Variants in SDK1 observed in about 807,000 individuals in gnomAD.
SDK1 encodes protein sidekick-1.
SDK1 carries 157 observed loss-of-function variants against 245.5 expected under a neutral mutation model. The ratio of observed to expected loss-of-function variants is 0.64; its 90% CI spans 0.56 to 0.73. SDK1 has a LOEUF of 0.73. Among genes scored for constraint, SDK1 ranks in the 30% least tolerant of loss-of-function variants. The pLI is 0.00. For missense variants in SDK1, 3,583 were observed against 3,002.3 expected (o/e 1.19, Z -4.52); for synonymous variants, 1,647 against 1,278.5 (o/e 1.29, Z -6.15).
intron 22 of SDK1, among the ~76,000 whole-genome samples, chr7:4,105,808 G>A (rs1782864796): frequency 6.6e-6 from 1 of 152,202 alleles, no homozygotes; most frequent in African/African-American, 2.4e-5. Flanking sequence ...CAGTTGCAGA[G>A]AGGAGGGGTG....
intron 22 of SDK1, among the ~76,000 whole-genome samples, chr7:4,105,846 G>A (rs940035846): frequency 1.3e-5 from 2 of 152,192 alleles, no homozygotes; most frequent in South Asian, 2.1e-4. Flanking sequence ...CTGAGAGGGG[G>A]AAGAGTGGTG....
At chr7:3,403,181 G>A (rs995641287) in intron 1 of SDK1, among the ~76,000 whole-genome samples, 2 of 152,154 alleles carry the variant, frequency 1.3e-5, no homozygotes, top group South Asian at 2.1e-4. Flanking sequence ...TGATCTGCCC[G>A]CCTTAGCCTC....
At chr7:4,159,301 G>C (rs1292924621) in intron 31 of SDK1, among the ~76,000 whole-genome samples, 2 of 152,148 alleles carry the variant, frequency 1.3e-5, no homozygotes, top group Non-Finnish European at 2.9e-5. Flanking sequence ...CTGCTCTCTC[G>C]ATGACCTGGA....
chr7:4,146,913 G>A (rs1444679208), intron 29 of SDK1, among the ~76,000 whole-genome samples: 2 of 152,192 alleles, frequency 1.3e-5, no homozygotes, highest in Non-Finnish European at 2.9e-5. Flanking sequence ...GCAGAGCTGA[G>A]ATTTGGACTC....
At chr7:4,120,991 TAAAC>T (rs892744722) in intron 25 of SDK1, among the ~76,000 whole-genome samples, 9 of 151,958 alleles carry the variant, frequency 5.9e-5, no homozygotes, top group African/African-American at 2.2e-4. Flanking sequence ...CTTTTTTTTT[TAAAC>T]AAACATTTCC....
At chr7:4,101,632 G>A (rs978884228) in intron 22 of SDK1, among the ~76,000 whole-genome samples, 89 of 152,318 alleles carry the variant, frequency 5.8e-4, no homozygotes, top group Admixed American at 4.2e-3. Flanking sequence ...GACAGAGGAC[G>A]ATGGTGTCGT....
At chr7:4,196,846 C>G (rs1783609382) in intron 35 of SDK1, among the ~76,000 whole-genome samples, 1 of 152,206 alleles carries the variant, frequency 6.6e-6, no homozygotes, top group African/African-American at 2.4e-5. Context: ...GAGGATTTAT[C>G]TGATGGATGT....
intron 5 of SDK1, among the ~76,000 whole-genome samples, chr7:3,898,234 T>C (rs1781669708): frequency 2.0e-5 from 3 of 152,140 alleles, no homozygotes; most frequent in South Asian, 2.1e-4. Context: ...AAGTCTTCAT[T>C]GTAGGGCCGA....
intron 4 of SDK1, among the ~76,000 whole-genome samples, chr7:3,656,843 G>A (rs535278882): frequency 6.6e-6 from 1 of 151,970 alleles, no homozygotes; most frequent in African/African-American, 2.4e-5. Flanking sequence ...CGCCTCCCGG[G>A]TTCACACCAT....
intron 40 of SDK1, among the ~76,000 whole-genome samples, chr7:4,226,936 A>ATTTTTT (rs112497435): frequency 6.8e-6 from 1 of 147,636 alleles, no homozygotes. Context: ...ATTGTATTGC[A>ATTTTTT]TTTTTTTTTT....
intron 15 of SDK1, among the ~76,000 whole-genome samples, chr7:4,011,498 C>T (rs1785962309): frequency 6.6e-6 from 1 of 152,228 alleles, no homozygotes; most frequent in African/African-American, 2.4e-5. Context: ...ACCTAGCATG[C>T]TGTTAAGGGA....
intron 33 of SDK1, among the ~76,000 whole-genome samples, chr7:4,174,802 T>G (rs1257148958): frequency 6.6e-6 from 1 of 152,114 alleles, no homozygotes; most frequent in Non-Finnish European, 1.5e-5. Flanking sequence ...CTGCCTGCAC[T>G]GCGCCATGAT....
chr7:3,896,102 G>A (rs893306376), intron 5 of SDK1, among the ~76,000 whole-genome samples: 2 of 152,162 alleles, frequency 1.3e-5, no homozygotes, highest in African/African-American at 2.4e-5. Flanking sequence ...CTGGTTGATA[G>A]TCCCGTTCAA....
At chr7:3,628,478 T>A (rs1409356462) in intron 2 of SDK1, among the ~76,000 whole-genome samples, 1 of 152,104 alleles carries the variant, frequency 6.6e-6, no homozygotes, top group East Asian at 1.9e-4. Flanking sequence ...GAAGGCATGA[T>A]CTTATTCCAG....
At chr7:3,671,397 G>T (rs530079985) in intron 4 of SDK1, among the ~76,000 whole-genome samples, 54 of 152,218 alleles carry the variant, frequency 3.5e-4, no homozygotes, top group African/African-American at 1.2e-3. Context: ...GAAGGAAATG[G>T]AATCAATGTA....
chr7:4,083,734 A>T (rs13237058), intron 22 of SDK1, among the ~76,000 whole-genome samples: 88 of 4,122 alleles, frequency 0.021, 18 homozygotes, highest in Middle Eastern at 0.083. Context: ...TACTTCCTCC[A>T]TCCCTCCCTT....
chr7:3,368,155 T>G (rs1781137575), intron 1 of SDK1, among the ~76,000 whole-genome samples: 1 of 152,218 alleles, frequency 6.6e-6, no homozygotes, highest in East Asian at 1.9e-4. Context: ...CATCTGTGAA[T>G]AAGGAAATCT....
chr7:3,398,632 GATTT>G (rs1269251076), intron 1 of SDK1, among the ~76,000 whole-genome samples: 5 of 149,906 alleles, frequency 3.3e-5, no homozygotes, highest in African/African-American at 1.0e-4. Flanking sequence ...CTGAGCACAT[GATTT>G]ATTTATTATT....
At chr7:4,073,905 C>T (rs898498666) in intron 20 of SDK1, among the ~76,000 whole-genome samples, 1 of 152,146 alleles carries the variant, frequency 6.6e-6, no homozygotes, top group African/African-American at 2.4e-5. Flanking sequence ...CCACAACAAG[C>T]GATTTATCCC....
Sources: allele counts gnomAD v4.1 joint callset (sites outside exome capture counted in the v4.1 genomes callset), GRCh38; gene constraint gnomAD v4.1.1; transcripts MANE v1.5; gene names NCBI Gene and HGNC (gene_info 2026-07-23, HGNC 2026-07-21).